PFKL: variants seen among roughly 807,000 people sequenced by gnomAD.
PFKL encodes phosphofructokinase, liver type.
Under a neutral mutation model 92.1 loss-of-function variants are expected in PFKL, and 74 were observed. The observed-to-expected ratio is 0.80, with a 90% CI of 0.67 to 0.97. The LOEUF (loss-of-function observed/expected upper bound fraction) is 0.97, where lower values mean the gene tolerates loss of function less well. Among genes scored for constraint, PFKL ranks in the 50% least tolerant of loss-of-function variants. PFKL has a pLI of 0.00. For missense variants in PFKL, 1,028 were observed against 1,116.6 expected (o/e 0.92, Z 1.13); for synonymous variants, 494 against 456.4 (o/e 1.08, Z -1.05).
chr21:44,305,792 C>G (rs755540779), intron 1 of PFKL: 1 of 1,366,622 alleles, frequency 7.3e-7, no homozygotes, highest in East Asian at 4.5e-5. Flanking sequence ...GTTAATGTCC[C>G]TCTCCAGGAA....
chr21:44,313,509 C>A, intron 5 of PFKL, 129 bp from the exon 6 acceptor site: 1 of 859,374 alleles, frequency 1.2e-6, no homozygotes, highest in Non-Finnish European at 1.9e-6. Context: ...AGCTCAGAGC[C>A]TGGGCATGAG....
At chr21:44,303,339 AG>A (rs1375872389) in intron 1 of PFKL, among the ~76,000 whole-genome samples, 7 of 146,126 alleles carry the variant, frequency 4.8e-5, no homozygotes, top group Non-Finnish European at 9.0e-5. Flanking sequence ...TGAACCGGGG[AG>A]GCAGAGGTTG....
intron 10 of PFKL, 94 bp downstream of exon 10, chr21:44,318,689 G>C: frequency 1.7e-6 from 2 of 1,174,416 alleles, no homozygotes; most frequent in Admixed American, 6.4e-5. Context: ...CCAGCACTGT[G>C]AGCACCGGAG....
intron 1 of PFKL, among the ~76,000 whole-genome samples, chr21:44,305,638 G>A (rs1212384067): frequency 2.6e-5 from 4 of 152,180 alleles, no homozygotes; most frequent in African/African-American, 7.2e-5. Context: ...CCTGGCCGCT[G>A]GCGTGGGTTT....
rs1257767695 is a variant in PFKL, at chr21:44,312,193, G to A, written c.326G>A (p.Gly109Asp). Residue 109 changes from glycine to aspartate, a missense_variant, in exon 4 of 22, where the codon GGC becomes GAC. By Grantham distance (94) the Gly-to-Asp change is moderately conservative (BLOSUM62 -1). Transcript: ENST00000349048. Reference sequence around the variant, plus strand: ...GCGGCCTACAACCTGGTCCAGCACGGCATCACCAACCTGTGCGTCATCGGC... The same window carrying A: ...GCGGCCTACAACCTGGTCCAGCACGACATCACCAACCTGTGCGTCATCGGC... Reference protein sequence around the residue: ...RAAAYNLVQHGITNLCVIGGD... With the variant: ...RAAAYNLVQHDITNLCVIGGD... The A allele has an allele frequency of 3.1e-6, 5 of 1,605,664 alleles. No individual in the cohort carries two copies.
At chr21:44,317,949 A>G (rs1321164919) in intron 9 of PFKL, among the ~76,000 whole-genome samples, 1 of 152,264 alleles carries the variant, frequency 6.6e-6, no homozygotes, top group Non-Finnish European at 1.5e-5. Context: ...TGGGACGGCC[A>G]CGGCAACCGC....
In PFKL at chr21:44,313,092, C is replaced by G; in HGVS notation, c.542C>G (p.Ala181Gly). 6.2e-7 allele frequency: 1 copy of G among 1,613,078 alleles called. No homozygotes were observed. The highest frequency in any genetic ancestry group is 8.5e-7 in the Non-Finnish European group (1 of 1,179,944). The change falls in exon 5 of 22, where the codon GCC (alanine) becomes GGC (glycine). Residue 181 changes from alanine (A) to glycine (G), a missense_variant. Coordinates refer to ENST00000349048, the MANE Select transcript of PFKL (RefSeq NM_002626.6). Reference protein sequence around the residue: ...GTDMTIGTDSALHRIMEVIDA... With the variant: ...GTDMTIGTDSGLHRIMEVIDA... ...GACATGACCATCGGCACGGACTCGG[C>G]CCTCCACCGCATCATGGAGGTCATC...
At chr21:44,304,398 G>A in intron 1 of PFKL, 4 of 1,259,262 alleles carry the variant, frequency 3.2e-6, no homozygotes, top group Middle Eastern at 3.1e-4. Context: ...TTGGACGGTG[G>A]CCTGGGTGCG....
At chr21:44,325,435 C>G (rs934856884) in intron 19 of PFKL, 171 bp downstream of exon 19, 3 of 596,334 alleles carry the variant, frequency 5.0e-6, no homozygotes, top group Non-Finnish European at 9.0e-6. Flanking sequence ...TAGGTGAGGT[C>G]TCATTTCAAG....
chr21:44,315,713 G>T, intron 7 of PFKL: 1 of 178,250 alleles, frequency 5.6e-6, no homozygotes, highest in Non-Finnish European at 1.2e-5. Flanking sequence ...TGTCCTATGT[G>T]CACCAGTGTG....
chr21:44,300,916 C>T (rs532171856), intron 1 of PFKL, among the ~76,000 whole-genome samples: 1 of 152,328 alleles, frequency 6.6e-6, no homozygotes, highest in South Asian at 2.1e-4. Flanking sequence ...TCTGGCCTGA[C>T]ATGTCCAGTG....
chr21:44,319,489 C>A, intron 11 of PFKL, 74 bp downstream of exon 11: 3 of 1,247,648 alleles, frequency 2.4e-6, no homozygotes, highest in Non-Finnish European at 3.5e-6. Context: ...GCTGCAGTGG[C>A]GCTATGCACG....
At chr21:44,306,568 T>G in intron 1 of PFKL, 113 bp from the exon 2 acceptor site, 10 of 785,466 alleles carry the variant, frequency 1.3e-5, no homozygotes, top group Non-Finnish European at 2.1e-5. Context: ...ACCCGCCCTC[T>G]GAGATGGACA....
At position 44,327,126 on chromosome 21, in the gene PFKL, G is replaced by A. The variant is rs1568977272; in HGVS notation, c.*264G>A. The A allele has an allele frequency of 3.8e-6, 2 of 520,920 alleles. No homozygotes were observed. The highest frequency in any genetic ancestry group is 3.3e-5 in the East Asian group (1 of 30,724). 32.3% of individuals were successfully genotyped at this position (520,920 alleles called of 1,614,324 possible). A position where few individuals can be genotyped will look rare whatever the true frequency, so the allele number is the denominator to read the frequency against. On this transcript the variant is annotated 3_prime_UTR_variant, in exon 22 of 22. Transcript: ENST00000349048. The stretch of plus-strand genomic sequence containing the variant: ...CCTGCCCAGGGGACGTGGCGCTGTC[G>A]GTGTTTGGAGGCTGCTGCCCCCTGG...
intron 6 of PFKL, 61 bp downstream of exon 6, chr21:44,313,743 G>A (rs1335709572): frequency 2.0e-6 from 3 of 1,521,984 alleles, no homozygotes; most frequent in African/African-American, 2.7e-5. Flanking sequence ...CGCAGTGACA[G>A]GTGTGGCATA....
At chr21:44,309,837 C>T (rs777666908) in intron 2 of PFKL, among the ~76,000 whole-genome samples, 2 of 152,234 alleles carry the variant, frequency 1.3e-5, no homozygotes, top group East Asian at 1.9e-4. Flanking sequence ...GGGGCAGGGG[C>T]ACCTGTCCCC....
rs747668824 is a variant in PFKL, at chr21:44,305,359, C to T, written c.86-1322C>T. ...AACCAGGGTAGAGGTCGAGAGTCCT[C>T]TCGTGGGGGTCTCCATGTTCAAGGG... On this transcript the variant is annotated intron_variant, in intron 1 of 21. Coordinates refer to ENST00000349048, the MANE Select transcript of PFKL (RefSeq NM_002626.6). 2.2e-5 allele frequency: 30 copies of T among 1,365,808 alleles called. No individual in the cohort carries two copies. In the Middle Eastern group the frequency reaches 2.3e-3, roughly 105 times the overall value. The allele number at this position is 1,365,808 out of a possible 1,614,324, so 84.6% of individuals were successfully genotyped here. A position where few individuals can be genotyped will look rare whatever the true frequency, so the allele number is the denominator to read the frequency against.
At chr21:44,317,315 C>T (rs967333904) in intron 9 of PFKL, among the ~76,000 whole-genome samples, 3 of 152,232 alleles carry the variant, frequency 2.0e-5, no homozygotes, top group Admixed American at 1.3e-4. Context: ...TGTGCTGAGC[C>T]GAGCATTCCC....
At position 44,314,084 on chromosome 21, in the gene PFKL, G is replaced by A. The variant is rs1602023058; in HGVS notation, c.747+63G>A. On this transcript the variant is annotated intron_variant, in intron 7 of 21. Coordinates refer to ENST00000349048, the MANE Select transcript of PFKL (RefSeq NM_002626.6). ...CTGGTGCACTGGGTAGCGCCCCTGG[G>A]GTTTTGGGACCAGCCTTGACCAACT... 3 of 1,195,550 alleles carry A rather than the reference G, an allele frequency of 2.5e-6. No individual in the cohort carries two copies. In the East Asian group the frequency reaches 7.4e-5, roughly 30 times the overall value. The allele number at this position is 1,195,550 out of a possible 1,614,324, so 74.1% of individuals were successfully genotyped here. A position where few individuals can be genotyped will look rare whatever the true frequency, so the allele number is the denominator to read the frequency against.
Sources: gnomAD v4.1 joint callset for allele counts (sites outside exome capture counted in the v4.1 genomes callset) on GRCh38, gnomAD v4.1.1 for gene constraint, MANE v1.5 for transcripts, NCBI Gene and HGNC (gene_info 2026-07-23, HGNC 2026-07-21) for gene names.